The following ENTREP2 variants were observed in gnomAD, a reference collection of about 807,000 sequenced individuals.
ENTREP2 encodes the protein endosomal transmembrane epsin interactor 2.
chr15:29,546,816 G>A, the ENTREP2 span, among the ~76,000 whole-genome samples: 1 of 150,456 alleles, frequency 6.6e-6, no homozygotes, highest in Non-Finnish European at 1.5e-5. Context: ...GAACCCGGGA[G>A]GCCGAACTTG....
the ENTREP2 span, among the ~76,000 whole-genome samples, chr15:29,164,695 C>T: frequency 3.3e-5 from 5 of 152,062 alleles, no homozygotes; most frequent in Admixed American, 3.3e-4. Context: ...ACTAATAGAC[C>T]TAAGAAATGA....
the ENTREP2 span, among the ~76,000 whole-genome samples, chr15:29,295,551 C>A: frequency 6.6e-6 from 1 of 152,212 alleles, no homozygotes; most frequent in Admixed American, 6.5e-5. Flanking sequence ...TTTTCCTATA[C>A]TTACATACAT....
At chr15:29,179,695 C>T in the ENTREP2 span, among the ~76,000 whole-genome samples, 8 of 151,968 alleles carry the variant, frequency 5.3e-5, no homozygotes, top group Non-Finnish European at 1.0e-4. Context: ...ATTCTCCTGC[C>T]TCAGCCTCCC....
chr15:29,311,582 C>G, the ENTREP2 span, among the ~76,000 whole-genome samples: 1 of 152,052 alleles, frequency 6.6e-6, no homozygotes, highest in Non-Finnish European at 1.5e-5. Context: ...CCCAGCTACT[C>G]AGGAGGCTGA....
the ENTREP2 span, among the ~76,000 whole-genome samples, chr15:29,627,055 T>C: frequency 6.6e-6 from 1 of 152,202 alleles, no homozygotes; most frequent in African/African-American, 2.4e-5. Context: ...GCTTAATTTT[T>C]GACCTTAGGA....
the ENTREP2 span, among the ~76,000 whole-genome samples, chr15:29,674,169 C>T: frequency 2.5e-4 from 36 of 144,498 alleles, no homozygotes; most frequent in African/African-American, 8.9e-4. Context: ...AGTCCTGTGC[C>T]CCAGGGGACC....
chr15:29,477,149 G>A, the ENTREP2 span, among the ~76,000 whole-genome samples: 2 of 152,098 alleles, frequency 1.3e-5, no homozygotes, highest in African/African-American at 4.8e-5. Flanking sequence ...TAAGAGATCA[G>A]ACACTAAATA....
chr15:29,386,335 C>T, the ENTREP2 span, among the ~76,000 whole-genome samples: 1 of 152,288 alleles, frequency 6.6e-6, no homozygotes, highest in African/African-American at 2.4e-5. Context: ...GGAGATGGAG[C>T]CCCAAAACAC....
the ENTREP2 span, among the ~76,000 whole-genome samples, chr15:29,170,878 G>A: frequency 9.8e-5 from 15 of 152,296 alleles, no homozygotes; most frequent in South Asian, 2.1e-4. Flanking sequence ...CTGCTGTAAC[G>A]GAATAACAGA....
the ENTREP2 span, among the ~76,000 whole-genome samples, chr15:29,453,621 A>G: frequency 1.2e-4 from 19 of 152,256 alleles, no homozygotes; most frequent in Non-Finnish European, 2.6e-4. Flanking sequence ...CAAGGAAGGA[A>G]GTGGAGAACA....
At chr15:29,525,812 C>T in the ENTREP2 span, among the ~76,000 whole-genome samples, 1 of 152,084 alleles carries the variant, frequency 6.6e-6, no homozygotes, top group Non-Finnish European at 1.5e-5. Flanking sequence ...GTGATGGTAA[C>T]AGGAATGGAT....
At chr15:29,124,812 T>G in the ENTREP2 span, 2 of 1,476,956 alleles carry the variant, frequency 1.4e-6, no homozygotes, top group Non-Finnish European at 1.8e-6. Flanking sequence ...AAGGAATTCC[T>G]GAGAAAGCTA....
At chr15:29,311,453 G>T in the ENTREP2 span, among the ~76,000 whole-genome samples, 26 of 152,274 alleles carry the variant, frequency 1.7e-4, no homozygotes, top group Non-Finnish European at 3.5e-4. Flanking sequence ...ATTTTGGGAG[G>T]GCGAGGTGGG....
chr15:29,605,828 C>T, the ENTREP2 span, among the ~76,000 whole-genome samples: 1 of 151,790 alleles, frequency 6.6e-6, no homozygotes, highest in Admixed American at 6.6e-5. Flanking sequence ...GAGTGAGACA[C>T]CATATCAAAA....
At chr15:29,225,431 G>A in the ENTREP2 span, among the ~76,000 whole-genome samples, 354 of 152,350 alleles carry the variant, frequency 2.3e-3, 1 homozygote, top group African/African-American at 8.2e-3. Context: ...TGTGACAGAT[G>A]ATGAACCTTG....
chr15:29,622,405 A>C, the ENTREP2 span, among the ~76,000 whole-genome samples: 3 of 152,012 alleles, frequency 2.0e-5, no homozygotes, highest in Non-Finnish European at 4.4e-5. Flanking sequence ...ACAGGGTTTC[A>C]CCATGTTGAC....
the ENTREP2 span, among the ~76,000 whole-genome samples, chr15:29,445,275 A>C: frequency 2.0e-5 from 3 of 152,130 alleles, no homozygotes; most frequent in Non-Finnish European, 4.4e-5. Context: ...GGAATCTCCA[A>C]GGTGATGTGT....
the ENTREP2 span, among the ~76,000 whole-genome samples, chr15:29,434,643 T>G: frequency 6.6e-6 from 1 of 152,112 alleles, no homozygotes; most frequent in Non-Finnish European, 1.5e-5. Flanking sequence ...GAAGCATACA[T>G]GACATACATA....
the ENTREP2 span, among the ~76,000 whole-genome samples, chr15:29,657,138 C>G: frequency 1.3e-5 from 2 of 152,150 alleles, no homozygotes; most frequent in Non-Finnish European, 1.5e-5. Context: ...AGCTCCGCCT[C>G]CCCCGTTCCG....
Sources: gnomAD v4.1 joint callset for allele counts (sites outside exome capture counted in the v4.1 genomes callset) on GRCh38, gnomAD v4.1.1 for gene constraint, MANE v1.5 for transcripts, NCBI Gene and HGNC (gene_info 2026-07-23, HGNC 2026-07-21) for gene names.